ITGB1: variants seen among roughly 807,000 people sequenced by gnomAD.
The protein encoded by ITGB1 is integrin subunit beta 1.
ITGB1 carries 24 observed loss-of-function variants against 86.5 expected under a neutral mutation model. That is an observed-to-expected ratio of 0.28 (90% CI 0.20 to 0.39). ITGB1 has a LOEUF of 0.39. Ranked by LOEUF, ITGB1 falls within the 10% of genes least tolerant of loss-of-function variation. ITGB1 has a pLI of 1.00. For synonymous variants in ITGB1, 323 were observed against 316.8 expected (o/e 1.02, Z -0.21); for missense variants, 556 against 946.9 (o/e 0.59, Z 5.42).
chr10:32,907,504 A>T (rs555586244), intron 15 of ITGB1, among the ~76,000 whole-genome samples: 2 of 152,314 alleles, frequency 1.3e-5, no homozygotes, highest in East Asian at 3.9e-4. Flanking sequence ...TTACTGAGAT[A>T]TAATTTTCAT....
intron 11 of ITGB1, among the ~76,000 whole-genome samples, chr10:32,913,307 G>A (rs1044528569): frequency 1.3e-4 from 20 of 152,206 alleles, no homozygotes; most frequent in African/African-American, 2.2e-4. Context: ...AAAGCCGGAC[G>A]GAGAATGACT....
At chr10:32,903,072 G>T (rs1010622368) in intron 15 of ITGB1, among the ~76,000 whole-genome samples, 1 of 151,842 alleles carries the variant, frequency 6.6e-6, no homozygotes, top group Non-Finnish European at 1.5e-5. Flanking sequence ...TTAGGGGAGG[G>T]CAGGCGCGGT....
chr10:32,911,089 A>T (rs1381110302), intron 13 of ITGB1, among the ~76,000 whole-genome samples: 1 of 152,214 alleles, frequency 6.6e-6, no homozygotes, highest in Non-Finnish European at 1.5e-5. Context: ...ATCCTTCAAG[A>T]GGAAAAATCT....
At chr10:32,913,106 T>C (rs1178330741) in intron 11 of ITGB1, among the ~76,000 whole-genome samples, 4 of 152,220 alleles carry the variant, frequency 2.6e-5, no homozygotes, top group African/African-American at 9.7e-5. Flanking sequence ...GGGTCCTGAC[T>C]GTTAGAAGGA....
chr10:32,942,698 G>GC (rs1565832279), intron 1 of ITGB1, among the ~76,000 whole-genome samples: 1 of 75,194 alleles, frequency 1.3e-5, no homozygotes, highest in Non-Finnish European at 4.8e-5. Context: ...TTTTTTTTTT[G>GC]GGGGGAGACA....
At chr10:32,924,527 A>C (rs2137210565) in intron 6 of ITGB1, among the ~76,000 whole-genome samples, 1 of 152,322 alleles carries the variant, frequency 6.6e-6, no homozygotes, top group South Asian at 2.1e-4. Flanking sequence ...TCAAAAGTGG[A>C]ATGTCTGATT....
chr10:32,909,243 G>A (rs1403619485), intron 14 of ITGB1, among the ~76,000 whole-genome samples: 2 of 152,132 alleles, frequency 1.3e-5, no homozygotes, highest in Non-Finnish European at 2.9e-5. Context: ...TTCAACAAAG[G>A]TGGAGAAAAG....
At chr10:32,926,188 T>A (rs947513569) in intron 5 of ITGB1, 79 bp from the exon 6 acceptor site, 11 of 1,071,180 alleles carry the variant, frequency 1.0e-5, no homozygotes, top group African/African-American at 1.6e-5. Flanking sequence ...GTTTAAAAAA[T>A]TCATCTATGT....
chr10:32,917,894 C>A (rs993352695), intron 11 of ITGB1, among the ~76,000 whole-genome samples: 4 of 151,998 alleles, frequency 2.6e-5, no homozygotes, highest in Admixed American at 6.6e-5. Flanking sequence ...CACGTGCACA[C>A]GTATGTTTAC....
chr10:32,912,160 C>CA (rs776775460), intron 11 of ITGB1, 36 bp from the exon 12 acceptor site: 98 of 1,565,214 alleles, frequency 6.3e-5, no homozygotes, highest in Non-Finnish European at 8.4e-5. Flanking sequence ...TCACACAAAA[C>CA]AAAAATAATT....
chr10:32,908,777 T>C (rs2094904470), intron 14 of ITGB1, among the ~76,000 whole-genome samples: 1 of 152,186 alleles, frequency 6.6e-6, no homozygotes, highest in South Asian at 2.1e-4. Context: ...TTTTAAACAG[T>C]AATATTTACT....
intron 1 of ITGB1, among the ~76,000 whole-genome samples, chr10:32,956,427 G>C (rs1353939312): frequency 1.3e-5 from 2 of 151,852 alleles, no homozygotes; most frequent in African/African-American, 4.8e-5. Flanking sequence ...AAACCTAAGG[G>C]CCAGGTTCAG....
chr10:32,926,960 T>C (rs1442909632), intron 5 of ITGB1, among the ~76,000 whole-genome samples: 1 of 152,156 alleles, frequency 6.6e-6, no homozygotes, highest in Non-Finnish European at 1.5e-5. Flanking sequence ...AGTATTTTCT[T>C]AAAGCAGCAC....
At chr10:32,935,342 T>G in intron 2 of ITGB1, 150 bp downstream of exon 2, 1 of 579,594 alleles carries the variant, frequency 1.7e-6, no homozygotes, top group Non-Finnish European at 3.1e-6. Flanking sequence ...ATGAAGGAAC[T>G]TGACCTTTCT....
intron 7 of ITGB1, among the ~76,000 whole-genome samples, chr10:32,923,364 C>T (rs2094955661): frequency 6.6e-6 from 1 of 152,102 alleles, no homozygotes; most frequent in South Asian, 2.1e-4. Flanking sequence ...CCTTTCCCAC[C>T]CCAGTGAGGC....
At chr10:32,907,177 T>C in intron 15 of ITGB1, 1 of 951,806 alleles carries the variant, frequency 1.1e-6, no homozygotes, top group South Asian at 1.3e-5. Context: ...AATGATTTCA[T>C]CAGAAAAAAA....
intron 1 of ITGB1, chr10:32,936,074 C>A (rs1293653065): frequency 1.3e-5 from 2 of 152,380 alleles, no homozygotes; most frequent in East Asian, 3.8e-4. Context: ...CAGGCTAAGG[C>A]CAACATCCTG....
In ITGB1 at chr10:32,944,671, T is replaced by G. The variant is rs1439397829; in HGVS notation, c.1-9113A>C. On this transcript the variant is annotated intron_variant, in intron 1 of 15. Transcript: ENST00000302278. ...TGTTGGGTGGTTTTCCATGGACACT[T>G]CCACAGGCAGAAGCCCTAGACTAAG... is the stretch of plus-strand genomic sequence containing the variant. 7.7e-6 allele frequency: 5 copies of G among 647,032 alleles called. No homozygotes were observed. In the African/African-American group the frequency reaches 9.0e-5, roughly 12 times the overall value. 40.1% of individuals were successfully genotyped at this position (647,032 alleles called of 1,614,324 possible).
intron 3 of ITGB1, 27 bp downstream of exon 3, chr10:32,932,487 TG>T (rs1434593213): frequency 2.3e-6 from 3 of 1,321,642 alleles, no homozygotes; most frequent in Non-Finnish European, 3.3e-6. Context: ...AGAGAACAAA[TG>T]GAAAGGACTT....
Sources: gnomAD v4.1 joint callset for allele counts (sites outside exome capture counted in the v4.1 genomes callset) on GRCh38, gnomAD v4.1.1 for gene constraint, MANE v1.5 for transcripts, NCBI Gene and HGNC (gene_info 2026-07-23, HGNC 2026-07-21) for gene names.